The following LCOR variants were observed in gnomAD, a reference collection of about 807,000 sequenced individuals.
LCOR encodes ligand dependent nuclear receptor corepressor.
LCOR carries 14 observed loss-of-function variants against 64.4 expected under a neutral mutation model. The observed-to-expected ratio is 0.22, with a 90% CI of 0.14 to 0.34. The LOEUF (loss-of-function observed/expected upper bound fraction) is 0.34. Ranked by LOEUF, LCOR falls within the 10% of genes least tolerant of loss-of-function variation. The pLI is 1.00. For synonymous variants in LCOR, 643 were observed against 642.5 expected (o/e 1.00, Z -0.01); for missense variants, 1,686 against 1,765.3 (o/e 0.96, Z 0.80).
At chr10:96,943,140 C>T (rs577556760) in intron 4 of LCOR, among the ~76,000 whole-genome samples, 61 of 152,162 alleles carry the variant, frequency 4.0e-4, no homozygotes, top group African/African-American at 1.4e-3. Flanking sequence ...TGCTGTGTCA[C>T]CCAAGCTGGA....
Position 96,949,122 on chromosome 10 carries a change from C to T in LCOR, c.65C>T (p.Pro22Leu). ...TCAAAAAATAGCTCTACTCAGGACCCCAGCCAGCCCAATAGCACAAAGAAC... is the reference window on the plus strand; with the variant it reads ...TCAAAAAATAGCTCTACTCAGGACCTCAGCCAGCCCAATAGCACAAAGAAC... ...YTSKNSSTQD[P>L]SQPNSTKNQS... The change falls in exon 6 of 8, where the codon CCC (proline) becomes CTC (leucine). Residue 22 changes from proline to leucine, a missense_variant. By Grantham distance (98) the Pro-to-Leu change is moderately conservative. This residue lies in a region of LCOR where 80 missense variants were observed against 107.7 expected (regional missense o/e 0.74). Transcript: ENST00000421806. The T allele has an allele frequency of 4.3e-6, 7 of 1,614,004 alleles. No homozygotes were observed. The highest frequency in any genetic ancestry group is 5.9e-6 in the Non-Finnish European group (7 of 1,179,978).
intron 4 of LCOR, among the ~76,000 whole-genome samples, chr10:96,916,144 G>A (rs962834687): frequency 6.6e-6 from 1 of 152,194 alleles, no homozygotes; most frequent in African/African-American, 2.4e-5. Context: ...CAATTCTCCT[G>A]CCTCAGCCTC....
intron 1 of LCOR, chr10:96,832,855 C>A: frequency 5.6e-6 from 2 of 358,412 alleles, no homozygotes; most frequent in Non-Finnish European, 7.8e-6. Context: ...TGGCCGCCGC[C>A]GTCCTCCTCC....
chr10:96,952,993 A>G (rs765051556), intron 7 of LCOR, among the ~76,000 whole-genome samples: 8 of 152,164 alleles, frequency 5.3e-5, no homozygotes, highest in Non-Finnish European at 1.2e-4. Flanking sequence ...TGGGGGAGTT[A>G]CTTAGATATT....
chr10:96,974,456 CAA>C (rs1264996697), intron 7 of LCOR, among the ~76,000 whole-genome samples: 1 of 152,174 alleles, frequency 6.6e-6, no homozygotes, highest in African/African-American at 2.4e-5. Context: ...AGCATGAGCT[CAA>C]GTCATTTCAA....
At chr10:96,859,801 C>T (rs1343249456) in intron 2 of LCOR, among the ~76,000 whole-genome samples, 1 of 152,118 alleles carries the variant, frequency 6.6e-6, no homozygotes, top group Non-Finnish European at 1.5e-5. Flanking sequence ...TCAAGCAGTC[C>T]ACTCTTGGCT....
intron 2 of LCOR, among the ~76,000 whole-genome samples, chr10:96,835,592 T>G (rs537236888): frequency 6.6e-6 from 1 of 152,368 alleles, no homozygotes; most frequent in South Asian, 2.1e-4. Flanking sequence ...GTAACTTGTT[T>G]ACTTCCAGAT....
chr10:96,951,928 G>T (rs1312883373), intron 6 of LCOR, among the ~76,000 whole-genome samples, 175 bp from the exon 7 acceptor site: 1 of 152,138 alleles, frequency 6.6e-6, no homozygotes, highest in Non-Finnish European at 1.5e-5. Context: ...AGTATAACAT[G>T]CCTTGCTAAA....
intron 4 of LCOR, among the ~76,000 whole-genome samples, chr10:96,920,620 ATATG>A (rs1426175762): frequency 2.0e-5 from 3 of 147,844 alleles, no homozygotes; most frequent in East Asian, 3.9e-4. Context: ...ATATGTGTAT[ATATG>A]TATGTACATT....
chr10:96,915,845 TA>T, intron 4 of LCOR: 1 of 514,324 alleles, frequency 1.9e-6, no homozygotes, highest in South Asian at 1.7e-5. Context: ...TCTCTGTGGT[TA>T]GTCCTTTAAC....
Position 96,985,261 on chromosome 10 carries a change from T to C in LCOR, c.*127T>C. ...TACAGTTAATGGAGAACACCGTAAT[T>C]TGAGATGTCAGAAAATGCATCTCAG... On this transcript the variant is annotated 3_prime_UTR_variant, in exon 8 of 8. Transcript: ENST00000421806. 8.3e-7 allele frequency: 1 copy of C among 1,205,206 alleles called. No individual in the cohort carries two copies. The highest frequency in any genetic ancestry group is 1.1e-6 in the Non-Finnish European group (1 of 908,152). 74.7% of individuals were successfully genotyped at this position (1,205,206 alleles called of 1,614,324 possible).
At chr10:96,975,623 T>G (rs1848032682) in intron 7 of LCOR, among the ~76,000 whole-genome samples, 1 of 149,888 alleles carries the variant, frequency 6.7e-6, no homozygotes, top group African/African-American at 2.5e-5. Flanking sequence ...CAGGAAAACA[T>G]GAAACATGGT....
chr10:96,934,182 C>A (rs1847309682), intron 4 of LCOR, among the ~76,000 whole-genome samples: 3 of 152,242 alleles, frequency 2.0e-5, no homozygotes, highest in South Asian at 4.1e-4. Flanking sequence ...GCTTTATAAT[C>A]TTTAAATGGA....
rs978577950 is a variant in LCOR, at chr10:96,993,524, T to C, written c.*8390T>C. ...TGTTGTAAATAGTTTTCTAAAAATA[T>C]TTATTACTTGTGCTGTATACAAATT... On this transcript the variant is annotated 3_prime_UTR_variant, in exon 8 of 8. Transcript: ENST00000421806. The C allele has an allele frequency of 1.3e-5, 2 of 152,108 alleles. No homozygotes were observed. Among genetic ancestry groups the C allele is most frequent in the East Asian group, 1.9e-4 (1 of 5,202 alleles). 9.4% of individuals were successfully genotyped at this position (152,108 alleles called of 1,614,324 possible).
At chr10:96,925,003 T>C (rs933372726) in intron 4 of LCOR, among the ~76,000 whole-genome samples, 19 of 152,132 alleles carry the variant, frequency 1.2e-4, no homozygotes, top group African/African-American at 3.6e-4. Context: ...CACTACTCTT[T>C]AGTCTCCTTT....
chr10:96,841,521 C>T (rs995817901), intron 2 of LCOR, among the ~76,000 whole-genome samples: 5 of 151,932 alleles, frequency 3.3e-5, no homozygotes, highest in Middle Eastern at 6.8e-3. Flanking sequence ...CCACCATGCC[C>T]GGCTAATTTT....
At position 96,986,551 on chromosome 10, in the gene LCOR, C is replaced by T. The variant is rs1848151487; in HGVS notation, c.*1417C>T. 2 of 152,212 alleles carry T rather than the reference C, an allele frequency of 1.3e-5. No homozygotes were observed. Among genetic ancestry groups the T allele is most frequent in the South Asian group, 4.1e-4 (2 of 4,828 alleles). The allele number at this position is 152,212 out of a possible 1,614,324, so 9.4% of individuals were successfully genotyped here. A position where few individuals can be genotyped will look rare whatever the true frequency, so the allele number is the denominator to read the frequency against. On this transcript the variant is annotated 3_prime_UTR_variant, in exon 8 of 8. Coordinates refer to ENST00000421806, the MANE Select transcript of LCOR (RefSeq NM_001346516.2). Reference sequence around the variant, plus strand: ...TGCCATGTCATGTCAGGCTCTATTCCGTGTCTCAGAAGTGAGAGCCACAAT... The same window carrying T: ...TGCCATGTCATGTCAGGCTCTATTCTGTGTCTCAGAAGTGAGAGCCACAAT...
intron 2 of LCOR, among the ~76,000 whole-genome samples, chr10:96,874,330 T>TC (rs1267160328): frequency 6.6e-6 from 1 of 152,212 alleles, no homozygotes; most frequent in Non-Finnish European, 1.5e-5. Context: ...GTGTAGTTTT[T>TC]CTAAAACATG....
intron 7 of LCOR, among the ~76,000 whole-genome samples, chr10:96,972,328 C>G (rs538275833): frequency 6.6e-6 from 1 of 151,966 alleles, no homozygotes; most frequent in Non-Finnish European, 1.5e-5. Flanking sequence ...TTAGATTTTG[C>G]ATAGTCTTAC....
Sources: gnomAD v4.1 joint callset for allele counts (sites outside exome capture counted in the v4.1 genomes callset) on GRCh38, gnomAD v4.1.1 for gene constraint, gnomAD v4.1.1 regional missense constraint, MANE v1.5 for transcripts, NCBI Gene and HGNC (gene_info 2026-07-23, HGNC 2026-07-21) for gene names.